The following NELFCD variants were observed in gnomAD, a reference collection of about 807,000 sequenced individuals.
NELFCD encodes negative elongation factor complex member C/D.
In NELFCD, 48 loss-of-function variants were observed where a neutral mutation model predicts 72.9. That is an observed-to-expected ratio of 0.66 (90% CI 0.52 to 0.84). The LOEUF (loss-of-function observed/expected upper bound fraction) is 0.84, where lower values mean the gene tolerates loss of function less well. NELFCD is among the 40% of genes least tolerant of loss of function. The probability of loss-of-function intolerance (pLI) is 0.00; values close to 1 mark genes in which losing one functional copy is unlikely to be tolerated. For synonymous variants in NELFCD, 297 were observed against 280.6 expected, an observed-to-expected ratio of 1.06 and a Z score of -0.59; for missense variants, 538 against 723.8, an observed-to-expected ratio of 0.74 and a Z score of 2.94.
At position 58,986,279 on chromosome 20, in the gene NELFCD, G is replaced by A; in HGVS notation, c.176+71G>A. On this transcript the variant is annotated intron_variant, in intron 2 of 14. Transcript: ENST00000652272. The surrounding 1 kb of genome is among the most constrained non-coding windows in gnomAD (Gnocchi z 4.4). The stretch of plus-strand genomic sequence containing the variant: ...TAGAGAAAGTTTTGTAATACACCCA[G>A]AAGGTGCTATGTAAAGCAAGAGTAA... 1 of 1,002,644 alleles carries A rather than the reference G, an allele frequency of 1.0e-6. No individual in the cohort carries two copies. Among genetic ancestry groups the A allele is most frequent in the African/African-American group, 1.6e-5 (1 of 63,250 alleles). 62.1% of individuals were successfully genotyped at this position (1,002,644 alleles called of 1,614,324 possible).
chr20:58,988,087 G>A, intron 4 of NELFCD: 1 of 437,154 alleles, frequency 2.3e-6, no homozygotes, highest in Non-Finnish European at 4.1e-6. Context: ...TGACTCCAGG[G>A]CACAGCCCTT....
Position 58,994,677 on chromosome 20 carries a change from T to TTTA in NELFCD, c.*2_*4dup. ...ATCTAACTTCATCATGGTGAACTAA[T>TTTA]TTAGAGCATCCTCCAGAGCTGAAGC... On this transcript the variant is annotated 3_prime_UTR_variant, in exon 15 of 15. Coordinates refer to ENST00000652272, the MANE Select transcript of NELFCD (RefSeq NM_198976.4). 6.2e-7 allele frequency: 1 copy of TTTA among 1,610,402 alleles called. No individual in the cohort carries two copies. Among genetic ancestry groups the TTTA allele is most frequent in the Non-Finnish European group, 8.5e-7 (1 of 1,176,788 alleles).
rs374709307 is a variant in NELFCD, at chr20:58,994,562, C to CAA, written c.1712-63_1712-62dup. The CAA allele has an allele frequency of 5.2e-3, 4,328 of 830,954 alleles. 8 individuals carry two copies. Among genetic ancestry groups the CAA allele is most frequent in the African/African-American group, 0.019 (737 of 39,338 alleles). 51.5% of individuals were successfully genotyped at this position (830,954 alleles called of 1,614,324 possible). A position where few individuals can be genotyped will look rare whatever the true frequency, so the allele number is the denominator to read the frequency against. On this transcript the variant is annotated intron_variant, in intron 14 of 14. Transcript: ENST00000652272. ...GGGCAACAAGAGCAAAACTGCATCT[C>CAA]AAAAAAAAAAAAAAAAAAGAAAGAA...
intron 9 of NELFCD, 128 bp from the exon 10 acceptor site, chr20:58,991,753 A>G: frequency 9.1e-7 from 1 of 1,093,434 alleles, no homozygotes; most frequent in Non-Finnish European, 1.3e-6. Context: ...GAAGTTTGAC[A>G]GCTGAATTGA....
chr20:58,991,484 G>A (rs1487894450), intron 9 of NELFCD, 38 bp downstream of exon 9: 7 of 1,612,276 alleles, frequency 4.3e-6, no homozygotes, highest in Non-Finnish European at 5.9e-6. Context: ...TTTTTTAGGA[G>A]ACAAATATCC....
chr20:58,982,030 C>T (rs888455237), intron 1 of NELFCD, among the ~76,000 whole-genome samples: 12 of 152,014 alleles, frequency 7.9e-5, no homozygotes, highest in Non-Finnish European at 1.5e-4. Flanking sequence ...CAGTGTGTCC[C>T]CACCTTACTC....
intron 10 of NELFCD, among the ~76,000 whole-genome samples, chr20:58,992,560 G>A (rs777762975): frequency 2.0e-5 from 3 of 152,186 alleles, no homozygotes; most frequent in South Asian, 2.1e-4. Context: ...TTCTTGCACC[G>A]CATGTTGAGT....
In NELFCD at chr20:58,986,544, C is replaced by G. The variant is rs562479534; in HGVS notation, c.177-210C>G. The G allele has an allele frequency of 3.5e-6, 2 of 577,578 alleles. No individual in the cohort carries two copies. The highest frequency in any genetic ancestry group is 6.8e-5 in the Admixed American group (2 of 29,306). The allele number at this position is 577,578 out of a possible 1,614,324, so 35.8% of individuals were successfully genotyped here. A position where few individuals can be genotyped will look rare whatever the true frequency, so the allele number is the denominator to read the frequency against. On this transcript the variant is annotated intron_variant, in intron 2 of 14. Coordinates refer to ENST00000652272, the MANE Select transcript of NELFCD (RefSeq NM_198976.4). The surrounding 1 kb of genome is among the most constrained non-coding windows in gnomAD (Gnocchi z 4.4). ...TTTTTGGGAGAGACAGGGCTCCTTA[C>G]GTTGCCCTGGCTGCTCTTGAACTCC... is the stretch of plus-strand genomic sequence containing the variant.
rs549669544 is a variant in NELFCD, at chr20:58,981,419, G to A, written c.60+50G>A. 1.7e-4 allele frequency: 150 copies of A among 884,936 alleles called. 2 individuals are homozygous for A. The South Asian group carries it at 6.7e-3, about 40-fold the overall frequency. 54.8% of individuals were successfully genotyped at this position (884,936 alleles called of 1,614,324 possible). On this transcript the variant is annotated intron_variant, in intron 1 of 14. Coordinates refer to ENST00000652272, the MANE Select transcript of NELFCD (RefSeq NM_198976.4). ...CTAGAGAGAATCGTTCGTCTCCGCC[G>A]CCGGCGGGCCGGCCCCACTCCCGGA...
chr20:58,994,193 T>A lies in NELFCD; in HGVS notation c.1665T>A (p.Gly555=), dbSNP rs188308685. The A allele has an allele frequency of 6.2e-7, 1 of 1,614,152 alleles. No homozygotes were observed. Among genetic ancestry groups the A allele is most frequent in the Non-Finnish European group, 8.5e-7 (1 of 1,180,002 alleles). ...LPILENDSIA[G]TIKTEGEHDP... ...TCCTGGAGAATGACAGCATCGCAGGTACCATCAAAACGGAAGGCGAGCATG... is the reference window on the plus strand; with the variant it reads ...TCCTGGAGAATGACAGCATCGCAGGAACCATCAAAACGGAAGGCGAGCATG... The change falls in exon 14 of 15, where the codon GGT becomes GGA. Residue 555 remains glycine (G), a synonymous_variant. Coordinates refer to ENST00000652272, the MANE Select transcript of NELFCD (RefSeq NM_198976.4).
Position 58,994,123 on chromosome 20 carries a change from T to C in NELFCD, c.1595T>C (p.Ile532Thr). ...TCCCCCACGCAGGTGCTGGACGTCA[T>C]TGCTCCTCCTTATACCTCTGACTTC... ...RYFVTEVLDVIAPPYTSDFVQ... is the reference protein window; with the variant it reads ...RYFVTEVLDVTAPPYTSDFVQ... The change falls in exon 14 of 15, where the codon ATT (isoleucine) becomes ACT (threonine). Residue 532 changes from isoleucine (I) to threonine (T), a missense_variant. Coordinates refer to ENST00000652272, the MANE Select transcript of NELFCD (RefSeq NM_198976.4). 6.2e-7 allele frequency: 1 copy of C among 1,614,160 alleles called. No individual in the cohort carries two copies.
At chr20:58,988,049 C>T in intron 4 of NELFCD, 1 of 517,274 alleles carries the variant, frequency 1.9e-6, no homozygotes, top group South Asian at 2.4e-5. Flanking sequence ...GAATGAACAG[C>T]AAGTTCCCAC....
rs1013327460 is a variant in NELFCD at position 58,986,249 on chromosome 20, T to A, written c.176+41T>A. On this transcript the variant is annotated intron_variant, in intron 2 of 14. Coordinates refer to ENST00000652272, the MANE Select transcript of NELFCD (RefSeq NM_198976.4). The surrounding 1 kb of genome is among the most constrained non-coding windows in gnomAD (Gnocchi z 4.4). ...GTCTGTATTGGGAGGAGGCTGGGGGTAATTTAGAGAAAGTTTTGTAATACA... is the reference window on the plus strand; with the variant it reads ...GTCTGTATTGGGAGGAGGCTGGGGGAAATTTAGAGAAAGTTTTGTAATACA... 1 of 1,353,040 alleles carries A rather than the reference T, an allele frequency of 7.4e-7. No homozygotes were observed. Among genetic ancestry groups the A allele is most frequent in the Non-Finnish European group, 1.1e-6 (1 of 942,666 alleles). The allele number at this position is 1,353,040 out of a possible 1,614,324, so 83.8% of individuals were successfully genotyped here. A position where few individuals can be genotyped will look rare whatever the true frequency, so the allele number is the denominator to read the frequency against.
chr20:58,992,848 CAA>C (rs371549496), intron 10 of NELFCD, 148 bp from the exon 11 acceptor site: 29,471 of 395,394 alleles, frequency 0.075, no homozygotes, highest in South Asian at 0.097. Flanking sequence ...GACCCTGTCT[CAA>C]AAAAAAAAAA....
At position 58,993,151 on chromosome 20, in the gene NELFCD, C is replaced by T; in HGVS notation, c.1344+39C>T. ...GAGCTGTTCACAGCCTACACAGTGT[C>T]TGTCTCATGCTGTTTACGTTGGCAT... On this transcript the variant is annotated intron_variant, in intron 11 of 14. Coordinates refer to ENST00000652272, the MANE Select transcript of NELFCD (RefSeq NM_198976.4). This position sits in a 1 kb window ranked among gnomAD's most constrained non-coding sequence, Gnocchi z 5.0. 4.3e-6 allele frequency: 6 copies of T among 1,409,982 alleles called. No homozygotes were observed. The highest frequency in any genetic ancestry group is 6.0e-6 in the Non-Finnish European group (6 of 993,994). 87.3% of individuals were successfully genotyped at this position (1,409,982 alleles called of 1,614,324 possible).
rs1481615866 is a variant in NELFCD, at chr20:58,981,263, G to A, written c.-47G>A. 10 of 1,035,504 alleles carry A rather than the reference G, an allele frequency of 9.7e-6. No homozygotes were observed. Among genetic ancestry groups the A allele is most frequent in the Middle Eastern group, 3.5e-4 (1 of 2,872 alleles). The allele number at this position is 1,035,504 out of a possible 1,614,324, so 64.1% of individuals were successfully genotyped here. ...CCCGTCCCCGCCTCGCGCATGCGCCGCGCTCGCTCGCGGGAGGGCATGGCG... is the reference window on the plus strand; with the variant it reads ...CCCGTCCCCGCCTCGCGCATGCGCCACGCTCGCTCGCGGGAGGGCATGGCG... On this transcript the variant is annotated 5_prime_UTR_variant, in exon 1 of 15. Coordinates refer to ENST00000652272, the MANE Select transcript of NELFCD (RefSeq NM_198976.4).
At chr20:58,987,954 A>G (rs752769991) in intron 4 of NELFCD, 137 bp downstream of exon 4, 3 of 673,430 alleles carry the variant, frequency 4.5e-6, no homozygotes, top group Non-Finnish European at 7.7e-6. Flanking sequence ...CAGAAGTTGC[A>G]TCTAGTCAGA....
intron 6 of NELFCD, 92 bp from the exon 7 acceptor site, chr20:58,989,766 C>T: frequency 6.2e-7 from 1 of 1,607,958 alleles, no homozygotes; most frequent in Non-Finnish European, 8.5e-7. Flanking sequence ...GATGCTCACT[C>T]CCGGGCCCGA....
At position 58,994,869 on chromosome 20, in the gene NELFCD, C is replaced by T; in HGVS notation, c.*193C>T. On this transcript the variant is annotated 3_prime_UTR_variant, in exon 15 of 15. Coordinates refer to ENST00000652272, the MANE Select transcript of NELFCD (RefSeq NM_198976.4). Reference sequence around the variant, plus strand: ...ACTGCCCTTACAAACAGTCCCTTCTCTGCTGTCAATCCAATACTGCTCCCA... The same window carrying T: ...ACTGCCCTTACAAACAGTCCCTTCTTTGCTGTCAATCCAATACTGCTCCCA... 1 of 602,592 alleles carries T rather than the reference C, an allele frequency of 1.7e-6. No individual in the cohort carries two copies. Among genetic ancestry groups the T allele is most frequent in the East Asian group, 2.8e-5 (1 of 35,128 alleles). The allele number at this position is 602,592 out of a possible 1,614,324, so 37.3% of individuals were successfully genotyped here.
Sources: gnomAD v4.1 joint callset for allele counts (sites outside exome capture counted in the v4.1 genomes callset) on GRCh38, gnomAD v4.1.1 for gene constraint, Gnocchi (gnomAD v3.1) non-coding constraint, MANE v1.5 for transcripts, NCBI Gene and HGNC (gene_info 2026-07-23, HGNC 2026-07-21) for gene names.